NSUN3: variants seen among roughly 807,000 people sequenced by gnomAD.
The protein encoded by NSUN3 is NOP2/Sun RNA methyltransferase 3, also known as tRNA (cytosine(34)-C(5))-methyltransferase, mitochondrial.
NSUN3 carries 24 observed loss-of-function variants against 36.8 expected under a neutral mutation model. That is an observed-to-expected ratio of 0.65 (90% CI 0.47 to 0.92). NSUN3 has a LOEUF of 0.92. NSUN3 is among the 40% of genes least tolerant of loss of function. The pLI is 0.00. For synonymous variants in NSUN3, 146 were observed against 145.2 expected (o/e 1.01, Z -0.04); for missense variants, 381 against 392.8 (o/e 0.97, Z 0.25).
chr3:94,071,464 T>C (rs370139907), intron 2 of NSUN3, among the ~76,000 whole-genome samples: 1 of 152,224 alleles, frequency 6.6e-6, no homozygotes, highest in East Asian at 1.9e-4. Flanking sequence ...TTTAAATGGA[T>C]GATGATGGGT....
intron 5 of NSUN3, among the ~76,000 whole-genome samples, chr3:94,119,970 A>T (rs2077454722): frequency 6.6e-6 from 1 of 152,264 alleles, no homozygotes; most frequent in South Asian, 2.1e-4. Context: ...TAAATTATGA[A>T]TGTCGAAATG....
At position 94,128,840 on chromosome 3, in the gene NSUN3, C is replaced by A. The variant is rs1320397583; in HGVS notation, c.*2350C>A. Among the ~76,000 whole-genome samples the A allele has an allele frequency of 6.6e-6, 1 of 152,008 alleles. No homozygotes were observed. Among genetic ancestry groups the A allele is most frequent in the Non-Finnish European group, 1.5e-5 (1 of 68,004 alleles). ...TTAAAAACTGAGCAAAGGACATGAA[C>A]AGACATTTCTCAAAAGAAGACATTC... On this transcript the variant is annotated 3_prime_UTR_variant, in exon 6 of 6. Coordinates refer to ENST00000314622, the MANE Select transcript of NSUN3 (RefSeq NM_022072.5).
intron 2 of NSUN3, among the ~76,000 whole-genome samples, chr3:94,078,580 T>C (rs1213530200): frequency 6.6e-6 from 1 of 152,158 alleles, no homozygotes; most frequent in Non-Finnish European, 1.5e-5. Context: ...CTAAGTCTCT[T>C]TGTAGGTCTC....
intron 5 of NSUN3, among the ~76,000 whole-genome samples, chr3:94,098,006 C>G (rs1293385489): frequency 2.0e-5 from 3 of 152,094 alleles, no homozygotes; most frequent in Non-Finnish European, 2.9e-5. Context: ...ACTTAAAACT[C>G]AAATAATTAA....
At chr3:94,121,032 A>T (rs922247334) in intron 5 of NSUN3, among the ~76,000 whole-genome samples, 2 of 152,224 alleles carry the variant, frequency 1.3e-5, no homozygotes, top group Admixed American at 6.5e-5. Context: ...AAAAAACGCC[A>T]TCATTAGATG....
At chr3:94,093,383 G>A (rs1451162891) in intron 3 of NSUN3, among the ~76,000 whole-genome samples, 1 of 151,928 alleles carries the variant, frequency 6.6e-6, no homozygotes, top group African/African-American at 2.4e-5. Context: ...GCTTTACAAT[G>A]TTTTTTCCCT....
chr3:94,094,183 G>T lies in NSUN3; in HGVS notation c.510G>T (p.Trp170Cys). 1 of 1,612,950 alleles carries T rather than the reference G, an allele frequency of 6.2e-7. No homozygotes were observed. Among genetic ancestry groups the T allele is most frequent in the South Asian group, 1.1e-5 (1 of 90,990 alleles). The change falls in exon 4 of 6, where the codon TGG (tryptophan) becomes TGT (cysteine). Residue 170 changes from tryptophan (W) to cysteine (C), a missense_variant. By Grantham distance (215) the Trp-to-Cys change is radical. Coordinates refer to ENST00000314622, the MANE Select transcript of NSUN3 (RefSeq NM_022072.5). The part of the protein sequence containing the change: ...CNEYDSLRLR[W>C]LRQTLESFIP... Reference sequence around the variant, plus strand: ...AATATGATAGTCTGAGATTGAGGTGGCTAAGGCAGACGTTGGAATCTTTCA... The same window carrying T: ...AATATGATAGTCTGAGATTGAGGTGTCTAAGGCAGACGTTGGAATCTTTCA...
chr3:94,092,649 A>G (rs1480942090), intron 3 of NSUN3, among the ~76,000 whole-genome samples: 1 of 152,102 alleles, frequency 6.6e-6, no homozygotes, highest in East Asian at 1.9e-4. Flanking sequence ...CATGTCTGTA[A>G]TCCCAGCACG....
At position 94,094,138 on chromosome 3, in the gene NSUN3, A is replaced by G. The variant is rs772428747; in HGVS notation, c.467-2A>G. On this transcript the variant is annotated splice_acceptor_variant, in intron 3 of 5. Coordinates refer to ENST00000314622, the MANE Select transcript of NSUN3 (RefSeq NM_022072.5). LOFTEE classifies it high-confidence loss of function. Reference sequence around the variant, plus strand: ...TGAAACTTTTTAATCCTTTTTATTTAGGTTATCTTCATTGTAATGAATATG... The same window carrying G: ...TGAAACTTTTTAATCCTTTTTATTTGGGTTATCTTCATTGTAATGAATATG... 2 of 1,575,546 alleles carry G rather than the reference A, an allele frequency of 1.3e-6. No individual in the cohort carries two copies. The highest frequency in any genetic ancestry group is 4.0e-5 in the Admixed American group (2 of 50,532).
At chr3:94,122,989 C>A (rs2077470485) in intron 5 of NSUN3, among the ~76,000 whole-genome samples, 1 of 152,152 alleles carries the variant, frequency 6.6e-6, no homozygotes. Flanking sequence ...AATTCCTTGT[C>A]TCTTGGTTCA....
At chr3:94,105,804 A>G (rs573315035) in intron 5 of NSUN3, among the ~76,000 whole-genome samples, 4 of 152,130 alleles carry the variant, frequency 2.6e-5, no homozygotes, top group Admixed American at 2.0e-4. Context: ...AAAATCAACT[A>G]TAAGCAATCT....
At chr3:94,105,470 A>G (rs537174413) in intron 5 of NSUN3, among the ~76,000 whole-genome samples, 70 of 152,220 alleles carry the variant, frequency 4.6e-4, no homozygotes, top group Admixed American at 1.2e-3. Context: ...TTTCTTTTTT[A>G]GTCTGGCTAC....
In NSUN3 at chr3:94,131,086, A is replaced by AATT. The variant is rs1173811456; in HGVS notation, c.*4615_*4617dup. Among the ~76,000 whole-genome samples, 73 of 151,080 alleles carry AATT rather than the reference A, an allele frequency of 4.8e-4. No individual in the cohort carries two copies. Among genetic ancestry groups the AATT allele is most frequent in the Admixed American group, 1.3e-3 (19 of 15,142 alleles). ...CAATACCATGCCTGGCTAATTTTTAAATTATTATTATTATTATTATTGTAG... is the reference window on the plus strand; with the variant it reads ...CAATACCATGCCTGGCTAATTTTTAAATTATTATTATTATTATTATTATTGTAG... On this transcript the variant is annotated 3_prime_UTR_variant, in exon 6 of 6. Coordinates refer to ENST00000314622, the MANE Select transcript of NSUN3 (RefSeq NM_022072.5).
intron 3 of NSUN3, among the ~76,000 whole-genome samples, chr3:94,091,011 C>T (rs140447556): frequency 3.3e-5 from 5 of 152,206 alleles, no homozygotes; most frequent in South Asian, 2.1e-4. Context: ...ACTTTGATGC[C>T]GTGTTCCTCT....
chr3:94,066,196 T>C (rs1323975163), intron 2 of NSUN3, among the ~76,000 whole-genome samples: 1 of 152,006 alleles, frequency 6.6e-6, no homozygotes, highest in African/African-American at 2.4e-5. Flanking sequence ...CTGAGCAAAA[T>C]GAGCAATGAA....
At chr3:94,089,751 G>A (rs550046504) in intron 3 of NSUN3, among the ~76,000 whole-genome samples, 156 of 152,284 alleles carry the variant, frequency 1.0e-3, no homozygotes, top group Non-Finnish European at 1.9e-3. Flanking sequence ...CAGAGTACTC[G>A]CTTGGGTCTC....
Position 94,119,270 on chromosome 3 carries a change from A to G in NSUN3, c.744-6941A>G, listed in dbSNP as rs1335647703. Among the ~76,000 whole-genome samples the G allele has an allele frequency of 2.0e-5, 3 of 152,190 alleles. No homozygotes were observed. The East Asian group carries it at 5.8e-4, about 29-fold the overall frequency. On this transcript the variant is annotated intron_variant, in intron 5 of 5. Coordinates refer to ENST00000314622, the MANE Select transcript of NSUN3 (RefSeq NM_022072.5). ...AGAAATACTGGTTTTTAAATCATTG[A>G]ACTTGTCTGATTATAGAGTTGTTGT...
intron 4 of NSUN3, 118 bp downstream of exon 4, chr3:94,094,412 C>T (rs965320570): frequency 9.9e-7 from 1 of 1,006,446 alleles, no homozygotes; most frequent in South Asian, 2.0e-5. Context: ...TTCTCAGTAC[C>T]CTGGAAAATT....
intron 3 of NSUN3, among the ~76,000 whole-genome samples, chr3:94,093,705 C>T (rs183666263): frequency 3.9e-5 from 6 of 152,336 alleles, no homozygotes; most frequent in South Asian, 4.1e-4. Context: ...ACAGTTCCTG[C>T]GTCTGCCGCA....
Sources: gnomAD v4.1 joint callset for allele counts (sites outside exome capture counted in the v4.1 genomes callset) on GRCh38, gnomAD v4.1.1 for gene constraint, MANE v1.5 for transcripts, NCBI Gene and HGNC (gene_info 2026-07-23, HGNC 2026-07-21) for gene names.